The following R3HDM2 variants were observed in gnomAD, a reference collection of about 807,000 sequenced individuals.
R3HDM2 encodes R3H domain containing 2.
A neutral mutation model predicts 124.5 loss-of-function variants in R3HDM2; 38 were observed. The ratio of observed to expected loss-of-function variants is 0.31; its 90% CI spans 0.24 to 0.40. The LOEUF is 0.40. Among genes scored for constraint, R3HDM2 ranks in the 10% least tolerant of loss-of-function variants. The pLI is 1.00. For missense variants in R3HDM2, 869 were observed against 1,236.9 expected (o/e 0.70, Z 4.46); for synonymous variants, 391 against 448.0 (o/e 0.87, Z 1.61).
intron 2 of R3HDM2, chr12:57,341,274 T>C: frequency 2.5e-6 from 1 of 405,322 alleles, no homozygotes; most frequent in Non-Finnish European, 3.3e-6. Flanking sequence ...TCTGACCCTA[T>C]TTTAAAAGGA....
At position 57,254,864 on chromosome 12, in the gene R3HDM2, AG is replaced by A; in HGVS notation, c.2881del (p.Leu961PhefsTer7). 6.2e-7 allele frequency: 1 copy of A among 1,613,880 alleles called. No individual in the cohort carries two copies. The highest frequency in any genetic ancestry group is 8.5e-7 in the Non-Finnish European group (1 of 1,179,820). ...GCGACTCACGGAGTTGTTGAGACGAAGGGAGGCATTTTGGGCAGCCAGGGGG... is the reference window on the plus strand; with the variant it reads ...GCGACTCACGGAGTTGTTGAGACGAAGGAGGCATTTTGGGCAGCCAGGGGG... The part of the protein sequence containing the change: ...PSPLAAQNAS[L>X]RLNNSVSRFK... On this transcript the variant is annotated frameshift_variant, in exon 24 of 24. Transcript: ENST00000402412. LOFTEE classifies it high-confidence loss of function.
rs778689415 is a variant in R3HDM2, at chr12:57,269,889, G to A, written c.1450C>T (p.Gln484Ter). Residue 484 changes from glutamine (Q) to a stop codon, truncating the protein, a stop_gained, in exon 15 of 24, where the codon CAG becomes TAG. Transcript: ENST00000402412. LOFTEE classifies it high-confidence loss of function. The stretch of plus-strand genomic sequence containing the variant: ...ATGAAGCTAGTCTGCTGAGGGTGCT[G>A]GGAGATAAGTGGGGTCTGGAATAGA... ...AALFQTPLIS[Q>*]HPQQTSFIMA... 1 of 1,614,138 alleles carries A rather than the reference G, an allele frequency of 6.2e-7. No homozygotes were observed. The highest frequency in any genetic ancestry group is 1.1e-5 in the South Asian group (1 of 91,078).
chr12:57,337,314 TG>T (rs1458133500), intron 2 of R3HDM2, among the ~76,000 whole-genome samples: 1 of 152,064 alleles, frequency 6.6e-6, no homozygotes, highest in African/African-American at 2.4e-5. Flanking sequence ...TACACTTGGC[TG>T]AATTTTTTTT....
intron 2 of R3HDM2, among the ~76,000 whole-genome samples, chr12:57,381,665 G>A (rs1051430154): frequency 6.6e-6 from 1 of 151,562 alleles, no homozygotes; most frequent in Non-Finnish European, 1.5e-5. Context: ...CTTACTGAGA[G>A]AAGGAAAATG....
chr12:57,284,177 C>T (rs1207747278), intron 12 of R3HDM2, 121 bp from the exon 13 acceptor site: 2 of 926,734 alleles, frequency 2.2e-6, no homozygotes, highest in Non-Finnish European at 3.2e-6. Context: ...GGAGGATGGA[C>T]ACTGACTTAT....
intron 2 of R3HDM2, among the ~76,000 whole-genome samples, chr12:57,381,929 T>C (rs1024938822): frequency 2.0e-5 from 3 of 151,960 alleles, no homozygotes; most frequent in African/African-American, 7.3e-5. Flanking sequence ...GCAATCCTCC[T>C]ATCAGCCTCC....
intron 1 of R3HDM2, chr12:57,430,487 CTGCCCCCGCA>C: frequency 2.2e-6 from 2 of 913,602 alleles, no homozygotes; most frequent in Non-Finnish European, 2.6e-6. Context: ...CGCCACCCCC[CTGCCCCCGCA>C]CCGCCGCCCT....
intron 3 of R3HDM2, among the ~76,000 whole-genome samples, chr12:57,303,758 G>A (rs115946378): frequency 0.01 from 1,534 of 152,048 alleles, 18 homozygotes; most frequent in African/African-American, 0.036. Flanking sequence ...CTCCAGCCTG[G>A]GTGATAAGAG....
At chr12:57,290,344 C>A (rs1391885966) in intron 11 of R3HDM2, among the ~76,000 whole-genome samples, 1 of 152,182 alleles carries the variant, frequency 6.6e-6, no homozygotes, top group Non-Finnish European at 1.5e-5. Context: ...CAGAGCAGAG[C>A]AAGCTATTGG....
At chr12:57,373,282 C>T (rs2063598276) in intron 2 of R3HDM2, among the ~76,000 whole-genome samples, 1 of 151,994 alleles carries the variant, frequency 6.6e-6, no homozygotes, top group South Asian at 2.1e-4. Context: ...AGGTGGATCA[C>T]GAGGTCAGGA....
At chr12:57,384,662 A>C (rs1383645717) in intron 2 of R3HDM2, among the ~76,000 whole-genome samples, 44 of 152,232 alleles carry the variant, frequency 2.9e-4, no homozygotes, top group Non-Finnish European at 1.5e-5. Context: ...AGAAGAATCT[A>C]GAGAGGTTAG....
chr12:57,353,154 T>G lies in R3HDM2; in HGVS notation c.-36+42595A>C, dbSNP rs527968470. ...TTTTGATGACTTCAAAATTGAAAAC[T>G]TCTATACAATTTTAAAAATTCATAA... On this transcript the variant is annotated intron_variant, in intron 2 of 23. Transcript: ENST00000402412. 5.9e-5 allele frequency among the ~76,000 whole-genome samples: 9 copies of G among 152,190 alleles called. No homozygotes were observed. In the South Asian group the frequency reaches 1.9e-3, roughly 32 times the overall value.
intron 2 of R3HDM2, among the ~76,000 whole-genome samples, chr12:57,330,703 T>C (rs1437284193): frequency 4.3e-5 from 6 of 138,886 alleles, no homozygotes; most frequent in Non-Finnish European, 7.7e-5. Context: ...TCTTTTTTTT[T>C]TTTTTTTTTT....
intron 1 of R3HDM2, among the ~76,000 whole-genome samples, chr12:57,416,900 A>C (rs1405226830): frequency 1.3e-5 from 2 of 151,720 alleles, no homozygotes; most frequent in Non-Finnish European, 1.5e-5. Flanking sequence ...TCATGAGGTC[A>C]GGAGATCAAG....
chr12:57,302,099 G>A (rs1352550853), intron 4 of R3HDM2, among the ~76,000 whole-genome samples: 1 of 151,900 alleles, frequency 6.6e-6, no homozygotes, highest in Non-Finnish European at 1.5e-5. Flanking sequence ...TGCGTGACAT[G>A]GCAAAATCCC....
chr12:57,292,647 A>C lies in R3HDM2; in HGVS notation c.831T>G (p.Asp277Glu). The change falls in exon 11 of 24, where the codon GAT (aspartate) becomes GAG (glutamate). Residue 277 changes from aspartate to glutamate, a missense_variant. Physicochemically the swap from Asp to Glu is conservative, Grantham distance 45 (BLOSUM62 2). Transcript: ENST00000402412. ...DDNQIRVPLQ[D>E]GRRSKSIEER... is the part of the protein sequence containing the mutation. ...CTTCTATTGACTTGCTCCTCCTTCCATCCTGCAATGGAACTCTGATCTAGA... is the reference window on the plus strand; with the variant it reads ...CTTCTATTGACTTGCTCCTCCTTCCCTCCTGCAATGGAACTCTGATCTAGA... 1 of 1,549,516 alleles carries C rather than the reference A, an allele frequency of 6.5e-7. No individual in the cohort carries two copies. Among genetic ancestry groups the C allele is most frequent in the East Asian group, 2.4e-5 (1 of 40,912 alleles).
chr12:57,268,501 T>G (rs750546000), intron 17 of R3HDM2, 44 bp from the exon 18 acceptor site: 35 of 1,602,838 alleles, frequency 2.2e-5, no homozygotes, highest in Non-Finnish European at 2.7e-5. Context: ...CGCATTCACA[T>G]TGAGCTCATG....
intron 1 of R3HDM2, among the ~76,000 whole-genome samples, chr12:57,407,730 T>C (rs1341649314): frequency 2.0e-5 from 3 of 151,762 alleles, no homozygotes; most frequent in African/African-American, 4.8e-5. Context: ...AAACGGGCAA[T>C]TGGTTTTTTA....
chr12:57,326,218 T>C (rs1160435773), intron 2 of R3HDM2, among the ~76,000 whole-genome samples: 1 of 152,182 alleles, frequency 6.6e-6, no homozygotes, highest in Non-Finnish European at 1.5e-5. Flanking sequence ...AATTAATAAC[T>C]CTACAGTGGC....
Sources: gnomAD v4.1 joint callset for allele counts (sites outside exome capture counted in the v4.1 genomes callset) on GRCh38, gnomAD v4.1.1 for gene constraint, MANE v1.5 for transcripts, NCBI Gene and HGNC (gene_info 2026-07-23, HGNC 2026-07-21) for gene names.